The following ADAM12 variants were observed in gnomAD, a reference collection of about 807,000 sequenced individuals.
The protein encoded by ADAM12 is ADAM metallopeptidase domain 12.
In ADAM12, 70 loss-of-function variants were observed where a neutral mutation model predicts 106.4. The observed-to-expected ratio is 0.66, with a 90% CI of 0.54 to 0.80. The LOEUF (loss-of-function observed/expected upper bound fraction) is 0.80. ADAM12 is among the 30% of genes least tolerant of loss of function. ADAM12 has a pLI of 0.00. For missense variants in ADAM12, 1,010 were observed against 1,171.9 expected (o/e 0.86, Z 2.02); for synonymous variants, 420 against 433.5 (o/e 0.97, Z 0.39).
At chr10:126,251,296 G>A (rs1267491000) in intron 3 of ADAM12, among the ~76,000 whole-genome samples, 2 of 152,204 alleles carry the variant, frequency 1.3e-5, no homozygotes, top group Non-Finnish European at 2.9e-5. Flanking sequence ...GTGTGCATTT[G>A]TCTTGCCTGC....
chr10:126,198,646 C>G (rs1011518600), intron 3 of ADAM12, among the ~76,000 whole-genome samples: 13 of 152,312 alleles, frequency 8.5e-5, no homozygotes, highest in African/African-American at 3.1e-4. Context: ...TCTGCCTGCA[C>G]CTCTGGATGA....
chr10:126,081,543 C>T (rs1401155138), intron 11 of ADAM12, among the ~76,000 whole-genome samples: 1 of 152,224 alleles, frequency 6.6e-6, no homozygotes, highest in East Asian at 1.9e-4. Flanking sequence ...CTCCTGACAG[C>T]AGATGCCACA....
intron 1 of ADAM12, among the ~76,000 whole-genome samples, chr10:126,387,192 G>A (rs978364343): frequency 3.9e-5 from 6 of 152,208 alleles, no homozygotes; most frequent in African/African-American, 1.4e-4. Context: ...GAAAGAAGGC[G>A]GCGGCGGCGG....
intron 8 of ADAM12, among the ~76,000 whole-genome samples, chr10:126,102,877 G>C (rs575553354): frequency 3.8e-4 from 58 of 152,292 alleles, no homozygotes; most frequent in African/African-American, 1.4e-3. Context: ...TGTCCACTGA[G>C]AGATTACATT....
intron 4 of ADAM12, among the ~76,000 whole-genome samples, chr10:126,145,178 C>T (rs1565093219): frequency 6.6e-6 from 1 of 152,152 alleles, no homozygotes; most frequent in Non-Finnish European, 1.5e-5. Context: ...CTTCTGCAGA[C>T]TTGCCACAGA....
chr10:126,018,237 T>C (rs1163931619), intron 22 of ADAM12, among the ~76,000 whole-genome samples: 1 of 152,250 alleles, frequency 6.6e-6, no homozygotes, highest in Non-Finnish European at 1.5e-5. Context: ...TTTGGTTCTT[T>C]TGAGCTCACA....
intron 3 of ADAM12, among the ~76,000 whole-genome samples, chr10:126,158,501 AGAGGATGCACAGAGCACGGG>A (rs1407793317): frequency 1.0e-4 from 10 of 98,186 alleles, no homozygotes; most frequent in East Asian, 3.6e-4. Context: ...GAGCACGGAG[AGAGGATGCACAGAGCACGGG>A]GAGGATGCAC....
intron 2 of ADAM12, 125 bp downstream of exon 2, chr10:126,330,287 T>A (rs1854461681): frequency 6.1e-6 from 5 of 814,124 alleles, no homozygotes; most frequent in Non-Finnish European, 9.5e-6. Context: ...AAAGCTTCCA[T>A]TCTCTAAGGA....
At chr10:126,137,901 T>G (rs961504184) in intron 4 of ADAM12, among the ~76,000 whole-genome samples, 2 of 152,348 alleles carry the variant, frequency 1.3e-5, no homozygotes, top group African/African-American at 4.8e-5. Flanking sequence ...GCACTATGAG[T>G]AGACACGTGG....
At chr10:126,186,737 C>T (rs535433705) in intron 3 of ADAM12, among the ~76,000 whole-genome samples, 65 of 152,214 alleles carry the variant, frequency 4.3e-4, no homozygotes, top group African/African-American at 1.6e-3. Flanking sequence ...GCAGAGAAGA[C>T]CAATGACAGA....
intron 4 of ADAM12, among the ~76,000 whole-genome samples, chr10:126,152,981 A>G (rs954169060): frequency 6.6e-6 from 1 of 152,102 alleles, no homozygotes; most frequent in African/African-American, 2.4e-5. Flanking sequence ...TCATTTTAAG[A>G]AGCTTATTTA....
At chr10:126,309,877 G>A (rs1484565514) in intron 2 of ADAM12, among the ~76,000 whole-genome samples, 1 of 152,118 alleles carries the variant, frequency 6.6e-6, no homozygotes, top group Non-Finnish European at 1.5e-5. Flanking sequence ...AGATGAAATG[G>A]GCTGGGTGCA....
At chr10:126,337,756 G>T (rs1854760185) in intron 1 of ADAM12, among the ~76,000 whole-genome samples, 1 of 151,904 alleles carries the variant, frequency 6.6e-6, no homozygotes, top group South Asian at 2.1e-4. Flanking sequence ...GGTTTAGGTT[G>T]TTTTTTTTGT....
chr10:126,274,070 A>C (rs1959196397), intron 3 of ADAM12, among the ~76,000 whole-genome samples: 2 of 152,166 alleles, frequency 1.3e-5, no homozygotes, highest in African/African-American at 4.8e-5. Flanking sequence ...CCTCCTGGGA[A>C]CTCACTTCTG....
rs1280520333 is a variant in ADAM12 at position 126,244,682 on chromosome 10, C to T, written c.260+34233G>A. On this transcript the variant is annotated intron_variant, in intron 3 of 22. Transcript: ENST00000448723. ...AGAGAGGACACTAAATGTCATATCT[C>T]AGGGAGCTCATGCACCATTAGTATA... Among the ~76,000 whole-genome samples, 4 of 152,142 alleles carry T rather than the reference C, an allele frequency of 2.6e-5. No individual in the cohort carries two copies. The East Asian group carries it at 7.7e-4, about 29-fold the overall frequency.
chr10:126,036,324 T>A lies in ADAM12; in HGVS notation c.2351A>T (p.Asp784Val), dbSNP rs780488266. ...ACACTGCAGCAATCTCCTGGGATTG[T>A]CCTGTACAGTCAAAGTAAAAAGCCA... is the stretch of plus-strand genomic sequence containing the variant. The part of the protein sequence containing the change: ...RKPPDSYPPK[D>V]NPRRLLQCQN... The change falls in exon 21 of 23, where the codon GAC (aspartate) becomes GTC (valine). Residue 784 changes from aspartate (D) to valine (V), a missense_variant and splice_region_variant. Asp to Val is a radical substitution (Grantham distance 152). Around this residue, in one of 3 missense-constraint regions of ADAM12, gnomAD observed 615 missense variants for 708.5 expected, o/e 0.87. Coordinates refer to ENST00000448723, the MANE Select transcript of ADAM12 (RefSeq NM_001288973.2). 1.9e-6 allele frequency: 3 copies of A among 1,568,276 alleles called. No homozygotes were observed. Among genetic ancestry groups the A allele is most frequent in the Non-Finnish European group, 2.6e-6 (3 of 1,163,332 alleles).
Position 126,198,887 on chromosome 10 carries a change from A to G in ADAM12, c.261-43582T>C, listed in dbSNP as rs1177206714. ...CCCAGCTGTGGTGAGAAAAGAGGAG[A>G]ACATTTTTCAAGAGGGGAAGAAATG... On this transcript the variant is annotated intron_variant, in intron 3 of 22. Transcript: ENST00000448723. Among the ~76,000 whole-genome samples, 3 of 152,226 alleles carry G rather than the reference A, an allele frequency of 2.0e-5. No individual in the cohort carries two copies. The South Asian group carries it at 6.2e-4, about 32-fold the overall frequency.
intron 1 of ADAM12, among the ~76,000 whole-genome samples, chr10:126,383,980 T>G (rs1318092411): frequency 6.6e-6 from 1 of 152,182 alleles, no homozygotes; most frequent in Non-Finnish European, 1.5e-5. Flanking sequence ...CTACAAACGC[T>G]TATGGAAATA....
intron 6 of ADAM12, among the ~76,000 whole-genome samples, chr10:126,110,659 G>A (rs577452878): frequency 1.3e-5 from 2 of 152,286 alleles, no homozygotes; most frequent in East Asian, 1.9e-4. Flanking sequence ...TAGGAACCCC[G>A]TCCCCCACAA....
Sources: gnomAD v4.1 joint callset for allele counts (sites outside exome capture counted in the v4.1 genomes callset) on GRCh38, gnomAD v4.1.1 for gene constraint, gnomAD v4.1.1 regional missense constraint, MANE v1.5 for transcripts, NCBI Gene and HGNC (gene_info 2026-07-23, HGNC 2026-07-21) for gene names.